Variants in PTPRN2 observed in about 807,000 individuals in gnomAD.
PTPRN2 encodes the protein receptor-type tyrosine-protein phosphatase N2.
In PTPRN2, 74 loss-of-function variants were observed where a neutral mutation model predicts 118.8. That is an observed-to-expected ratio of 0.62 (90% confidence interval 0.52 to 0.76). The LOEUF (loss-of-function observed/expected upper bound fraction) is 0.76, where lower values mean the gene tolerates loss of function less well. Ranked by LOEUF, PTPRN2 falls within the 30% of genes least tolerant of loss-of-function variation. PTPRN2 has a pLI of 0.00. For missense variants in PTPRN2, 1,481 were observed against 1,394.4 expected, an observed-to-expected ratio of 1.06 and a Z score of -0.99; for synonymous variants, 641 against 608.0, an observed-to-expected ratio of 1.05 and a Z score of -0.80.
chr7:158,224,139 T>A (rs1464324279), intron 3 of PTPRN2, among the ~76,000 whole-genome samples: 1 of 152,200 alleles, frequency 6.6e-6, no homozygotes, highest in Non-Finnish European at 1.5e-5. Flanking sequence ...CATACCATGT[T>A]GGTAGATCAG....
intron 11 of PTPRN2, among the ~76,000 whole-genome samples, chr7:157,910,206 A>G (rs1322196780): frequency 6.6e-6 from 1 of 151,916 alleles, no homozygotes; most frequent in Non-Finnish European, 1.5e-5. Context: ...TGCGTGCAGG[A>G]TCACGCACGT....
chr7:158,496,217 CCTTCCCTTCAGCCTT>C (rs1821834393), intron 1 of PTPRN2, among the ~76,000 whole-genome samples: 1 of 147,570 alleles, frequency 6.8e-6, no homozygotes, highest in Non-Finnish European at 1.5e-5. Flanking sequence ...GCAGCCTCCC[CCTTCCCTTCAGCCTT>C]CCCTCCCCTT....
chr7:158,163,126 G>A (rs535798189), intron 6 of PTPRN2, among the ~76,000 whole-genome samples: 4 of 152,316 alleles, frequency 2.6e-5, no homozygotes, highest in East Asian at 1.9e-4. Context: ...TGTAGTGGGC[G>A]CAGAGGAGCA....
chr7:158,359,242 C>T (rs1808643842), intron 2 of PTPRN2, among the ~76,000 whole-genome samples: 2 of 152,222 alleles, frequency 1.3e-5, no homozygotes, highest in African/African-American at 2.4e-5. Flanking sequence ...TCTACAGAGG[C>T]GACCATCACT....
At chr7:157,904,484 T>C (rs1797649203) in intron 11 of PTPRN2, among the ~76,000 whole-genome samples, 1 of 152,192 alleles carries the variant, frequency 6.6e-6, no homozygotes, top group South Asian at 2.1e-4. Flanking sequence ...CACCATCCTC[T>C]GGAAAGCCCG....
chr7:157,899,326 T>C (rs1797309330), intron 11 of PTPRN2, among the ~76,000 whole-genome samples: 2 of 152,186 alleles, frequency 1.3e-5, no homozygotes, highest in Admixed American at 6.5e-5. Context: ...TTGCACTCGA[T>C]GGCAAACCAA....
At chr7:158,506,409 A>G (rs575419613) in intron 1 of PTPRN2, among the ~76,000 whole-genome samples, 2 of 152,228 alleles carry the variant, frequency 1.3e-5, no homozygotes, top group Admixed American at 6.5e-5. Flanking sequence ...ACTAAGTGAC[A>G]CCGGCCACAC....
At chr7:157,768,793 T>C (rs2151021565) in intron 12 of PTPRN2, among the ~76,000 whole-genome samples, 1 of 152,342 alleles carries the variant, frequency 6.6e-6, no homozygotes, top group Middle Eastern at 3.4e-3. Flanking sequence ...TTGTAGTGTC[T>C]TTCTTTAGAA....
At position 157,787,653 on chromosome 7, in the gene PTPRN2, T is replaced by C. The variant is rs1804153677; in HGVS notation, c.1789-104716A>G. Among the ~76,000 whole-genome samples the C allele has an allele frequency of 6.6e-6, 1 of 152,098 alleles. No homozygotes were observed. Among genetic ancestry groups the C allele is most frequent in the Non-Finnish European group, 1.5e-5 (1 of 68,010 alleles). On this transcript the variant is annotated intron_variant, in intron 12 of 22. Transcript: ENST00000389418. The surrounding 1 kb of genome is among the most constrained non-coding windows in gnomAD (Gnocchi z 5.3). Reference sequence around the variant, plus strand: ...CATGCATTTCACACTGACCGGGGCCTCCCTGGGACACCCTGAACACCTGCT... The same window carrying C: ...CATGCATTTCACACTGACCGGGGCCCCCCTGGGACACCCTGAACACCTGCT...
At chr7:158,279,748 C>T (rs1301698256) in intron 3 of PTPRN2, among the ~76,000 whole-genome samples, 1 of 152,214 alleles carries the variant, frequency 6.6e-6, no homozygotes, top group African/African-American at 2.4e-5. Context: ...AGGGAGCCGG[C>T]TCCGGCCTCA....
At chr7:157,757,100 G>A (rs557075735) in intron 12 of PTPRN2, among the ~76,000 whole-genome samples, 2 of 151,648 alleles carry the variant, frequency 1.3e-5, no homozygotes, top group African/African-American at 4.8e-5. Context: ...CAAGATAAAA[G>A]TTTTTTTTTA....
intron 12 of PTPRN2, among the ~76,000 whole-genome samples, chr7:157,807,966 T>G (rs942611025): frequency 6.6e-6 from 1 of 152,196 alleles, no homozygotes; most frequent in African/African-American, 2.4e-5. Context: ...CTTAGAACAT[T>G]AAGCACTGTG....
chr7:157,725,256 G>A (rs971227069), intron 12 of PTPRN2, among the ~76,000 whole-genome samples: 3 of 137,810 alleles, frequency 2.2e-5, no homozygotes, highest in Non-Finnish European at 3.0e-5. Flanking sequence ...ACATGCAGAG[G>A]AGTGAGCCAG....
intron 12 of PTPRN2, among the ~76,000 whole-genome samples, chr7:157,704,477 G>A (rs1156831991): frequency 1.3e-5 from 2 of 152,248 alleles, no homozygotes; most frequent in Non-Finnish European, 1.5e-5. Context: ...CCGATGAAGA[G>A]TGCAAGAGAC....
chr7:158,303,168 C>CAAAA lies in PTPRN2; in HGVS notation c.277+13647_277+13650dup, dbSNP rs542953447. Among the ~76,000 whole-genome samples, 218 of 119,878 alleles carry CAAAA rather than the reference C, an allele frequency of 1.8e-3. 1 individual carries two copies. The highest frequency in any genetic ancestry group is 6.3e-3 in the African/African-American group (208 of 33,264). The allele number at this position is 119,878 out of a possible 152,430, so 78.6% of individuals were successfully genotyped here. ...ACAAATGTGGATAGCACTAACCCACCAAAAAAAAAAAAAAAAATTCTTTGG... is the reference window on the plus strand; with the variant it reads ...ACAAATGTGGATAGCACTAACCCACCAAAAAAAAAAAAAAAAAAAAATTCTTTGG... On this transcript the variant is annotated intron_variant, in intron 3 of 22. Coordinates refer to ENST00000389418, the MANE Select transcript of PTPRN2 (RefSeq NM_002847.5).
In PTPRN2 at chr7:157,598,761, A is replaced by AGAAG. The variant is rs1361980174; in HGVS notation, c.2419-3450_2419-3447dup. On this transcript the variant is annotated intron_variant, in intron 16 of 22. Transcript: ENST00000389418. The surrounding 1 kb of genome is among the most constrained non-coding windows in gnomAD (Gnocchi z 5.2). ...GTCCATGCTGTCCTCAGTGAACCAC[A>AGAAG]GAAGGAAGGAAGGATGCTGCTTCCT... Among the ~76,000 whole-genome samples, 4 of 152,324 alleles carry AGAAG rather than the reference A, an allele frequency of 2.6e-5. No homozygotes were observed. In the East Asian group the frequency reaches 5.8e-4, roughly 22 times the overall value.
intron 10 of PTPRN2, among the ~76,000 whole-genome samples, chr7:158,103,043 A>G (rs1815371063): frequency 6.6e-6 from 1 of 152,184 alleles, no homozygotes; most frequent in Non-Finnish European, 1.5e-5. Context: ...AGGACCCAGT[A>G]AGGCCTGGGT....
At chr7:158,512,244 T>G (rs1285620428) in intron 1 of PTPRN2, among the ~76,000 whole-genome samples, 3 of 152,246 alleles carry the variant, frequency 2.0e-5, no homozygotes, top group Non-Finnish European at 4.4e-5. Context: ...CACTGTGCTC[T>G]AGCTGATAAA....
intron 11 of PTPRN2, among the ~76,000 whole-genome samples, chr7:157,911,055 C>G (rs1716060854): frequency 6.6e-6 from 1 of 152,216 alleles, no homozygotes; most frequent in Non-Finnish European, 1.5e-5. Flanking sequence ...GTGGGCTGTT[C>G]ATCATCTCTC....
Sources: allele counts gnomAD v4.1 joint callset (sites outside exome capture counted in the v4.1 genomes callset), GRCh38; gene constraint gnomAD v4.1.1; non-coding constraint Gnocchi (gnomAD v3.1); transcripts MANE v1.5; gene names NCBI Gene and HGNC (gene_info 2026-07-23, HGNC 2026-07-21).